Variants in ADGRL2 observed in about 807,000 individuals in gnomAD.
ADGRL2 encodes adhesion G protein-coupled receptor L2, also known as calcium-independent alpha-latrotoxin receptor 2.
ADGRL2 carries 44 observed loss-of-function variants against 157.4 expected under a neutral mutation model. That is an observed-to-expected ratio of 0.28 (90% CI 0.22 to 0.36). The LOEUF is 0.36. Ranked by LOEUF, ADGRL2 falls within the 10% of genes least tolerant of loss-of-function variation. The probability of loss-of-function intolerance (pLI) is 1.00; values close to 1 mark genes in which losing one functional copy is unlikely to be tolerated. For missense variants in ADGRL2, 1,510 were observed against 1,768.9 expected (o/e 0.85, Z 2.63); for synonymous variants, 585 against 624.7 (o/e 0.94, Z 0.95).
intron 2 of ADGRL2, among the ~76,000 whole-genome samples, chr1:81,564,380 A>C (rs1557465871): frequency 1.3e-5 from 2 of 152,306 alleles, no homozygotes; most frequent in East Asian, 3.9e-4. Flanking sequence ...TAGTTATCGC[A>C]AGGTTAGACC....
upstream of ADGRL2, among the ~76,000 whole-genome samples, chr1:81,799,668 C>T (rs1454047281): frequency 6.6e-6 from 1 of 152,120 alleles, no homozygotes; most frequent in Non-Finnish European, 1.5e-5. Context: ...AAGTATGATG[C>T]TTGCAACATT....
chr1:81,426,546 C>A (rs908976954), intron 1 of ADGRL2: 7 of 441,772 alleles, frequency 1.6e-5, no homozygotes, highest in South Asian at 1.0e-4. Flanking sequence ...TCCAAAGGAA[C>A]CAGAGTAGTT....
chr1:81,491,397 T>C (rs536694193), intron 2 of ADGRL2, among the ~76,000 whole-genome samples: 2 of 152,212 alleles, frequency 1.3e-5, no homozygotes, highest in African/African-American at 4.8e-5. Context: ...TTTGTGAAAA[T>C]TCATCAAGCT....
rs547632463 is a variant in ADGRL2, at chr1:81,680,197, T to C, written c.-142-81614T>C. 8.0e-4 allele frequency among the ~76,000 whole-genome samples: 122 copies of C among 152,314 alleles called. 1 individual carries two copies. The highest frequency in any genetic ancestry group is 2.8e-3 in the African/African-American group (118 of 41,564). On this transcript the variant is annotated intron_variant, in intron 3 of 24. Transcript: ENST00000370721. ...ACACTGCCAGATCGGCAGCCCTTTG[T>C]TACAATGTGCACAAGAATTGCTCAA...
At chr1:81,834,888 A>G (rs111753833) in intron 1 of ADGRL2, among the ~76,000 whole-genome samples, 1 of 152,254 alleles carries the variant, frequency 6.6e-6, no homozygotes, top group African/African-American at 2.4e-5. Flanking sequence ...AATACACTGA[A>G]TTTTTAGTAT....
At chr1:81,812,223 C>A (rs985331795) in intron 1 of ADGRL2, among the ~76,000 whole-genome samples, 1 of 151,716 alleles carries the variant, frequency 6.6e-6, no homozygotes, top group East Asian at 1.9e-4. Flanking sequence ...GCAGAGGGAG[C>A]TTTTATATGC....
intron 1 of ADGRL2, among the ~76,000 whole-genome samples, chr1:81,810,536 C>T (rs1175181789): frequency 6.6e-6 from 1 of 151,860 alleles, no homozygotes; most frequent in Non-Finnish European, 1.5e-5. Flanking sequence ...TTTCTCCACT[C>T]ATCTTTGTGT....
chr1:81,454,392 C>A (rs897085108), intron 2 of ADGRL2, among the ~76,000 whole-genome samples: 3 of 152,132 alleles, frequency 2.0e-5, no homozygotes, highest in Non-Finnish European at 4.4e-5. Context: ...CATGGTGATT[C>A]ATTATCTTGT....
chr1:81,521,101 G>A (rs1238502387), intron 2 of ADGRL2, among the ~76,000 whole-genome samples: 2 of 152,180 alleles, frequency 1.3e-5, no homozygotes, highest in African/African-American at 4.8e-5. Context: ...CTTTATTCTG[G>A]AAGGTCATGT....
chr1:81,589,492 TA>T (rs146127247), intron 3 of ADGRL2, among the ~76,000 whole-genome samples: 45 of 152,314 alleles, frequency 3.0e-4, no homozygotes, highest in Admixed American at 2.3e-3. Context: ...TGTATCTGGT[TA>T]ACTTGCCCTA....
chr1:81,845,978 T>C (rs1408050574), intron 2 of ADGRL2, among the ~76,000 whole-genome samples: 1 of 152,024 alleles, frequency 6.6e-6, no homozygotes, highest in African/African-American at 2.4e-5. Flanking sequence ...GTTAAATATT[T>C]ATTCATTACA....
intron 2 of ADGRL2, among the ~76,000 whole-genome samples, chr1:81,873,734 A>G (rs1484412573): frequency 2.0e-5 from 3 of 152,150 alleles, no homozygotes; most frequent in Non-Finnish European, 2.9e-5. Flanking sequence ...AATGAGGTCA[A>G]TTAAGGTGTA....
At chr1:81,942,251 G>C (rs1166919493) in intron 5 of ADGRL2, among the ~76,000 whole-genome samples, 2 of 151,832 alleles carry the variant, frequency 1.3e-5, no homozygotes, top group Non-Finnish European at 2.9e-5. Flanking sequence ...AAGTCGGCGA[G>C]GGGGATCTGC....
At chr1:81,402,847 GC>G (rs1181494902) in intron 1 of ADGRL2, among the ~76,000 whole-genome samples, 5 of 152,110 alleles carry the variant, frequency 3.3e-5, no homozygotes, top group African/African-American at 1.2e-4. Context: ...CCCCTCAGAA[GC>G]CAGAGAGTTT....
intron 1 of ADGRL2, among the ~76,000 whole-genome samples, chr1:81,710,153 T>C (rs952761443): frequency 1.3e-5 from 2 of 152,208 alleles, no homozygotes; most frequent in African/African-American, 2.4e-5. Flanking sequence ...TCTTCTGGCA[T>C]TATAGGCAAT....
intron 3 of ADGRL2, among the ~76,000 whole-genome samples, chr1:81,643,348 TG>T (rs1162717191): frequency 6.6e-6 from 1 of 152,228 alleles, no homozygotes; most frequent in Non-Finnish European, 1.5e-5. Flanking sequence ...GGTCTCGCTC[TG>T]TTGCTCAGGC....
At chr1:81,426,110 T>C (rs115415386) in intron 1 of ADGRL2, among the ~76,000 whole-genome samples, 1,875 of 152,290 alleles carry the variant, frequency 0.012, 38 homozygotes, top group Admixed American at 0.039. Context: ...GAAAACAGCG[T>C]ATTTTTATGG....
At chr1:81,798,579 G>A (rs2087709813), upstream of ADGRL2, among the ~76,000 whole-genome samples, 1 of 151,826 alleles carries the variant, frequency 6.6e-6, no homozygotes, top group Non-Finnish European at 1.5e-5. Flanking sequence ...TTTCTAGTTT[G>A]TATAATTTTA....
intron 3 of ADGRL2, among the ~76,000 whole-genome samples, chr1:81,601,763 G>C (rs1253226783): frequency 6.6e-6 from 1 of 152,178 alleles, no homozygotes; most frequent in Non-Finnish European, 1.5e-5. Flanking sequence ...TTTCACAAAT[G>C]TGACAGTAGT....
Sources: allele counts gnomAD v4.1 joint callset (sites outside exome capture counted in the v4.1 genomes callset), GRCh38; gene constraint gnomAD v4.1.1; transcripts MANE v1.5; gene names NCBI Gene and HGNC (gene_info 2026-07-23, HGNC 2026-07-21).